The following TPP2 variants were observed in gnomAD, a reference collection of about 807,000 sequenced individuals.
The protein encoded by TPP2 is tripeptidyl peptidase 2, also known as tripeptidyl-peptidase 2.
TPP2 carries 34 observed loss-of-function variants against 155.9 expected under a neutral mutation model. The observed-to-expected ratio is 0.22, with a 90% CI of 0.17 to 0.29. The LOEUF is 0.29. Among genes scored for constraint, TPP2 ranks in the 10% least tolerant of loss-of-function variants. The pLI, the probability that TPP2 is intolerant of heterozygous loss-of-function variation, is 1.00. For synonymous variants in TPP2, 510 were observed against 529.4 expected (o/e 0.96, Z 0.50); for missense variants, 1,028 against 1,522.3 (o/e 0.68, Z 5.40).
chr13:102,620,653 C>G (rs1881087481), intron 5 of TPP2, among the ~76,000 whole-genome samples: 1 of 152,154 alleles, frequency 6.6e-6, no homozygotes, highest in Non-Finnish European at 1.5e-5. Context: ...CTGTGCTCTC[C>G]CTGCCACATT....
intron 26 of TPP2, among the ~76,000 whole-genome samples, chr13:102,664,553 G>A (rs765980659): frequency 6.6e-6 from 1 of 151,850 alleles, no homozygotes; most frequent in Non-Finnish European, 1.5e-5. Context: ...TCTCACCATT[G>A]TACTCCAGCA....
chr13:102,620,552 A>G (rs1470458959), intron 5 of TPP2, among the ~76,000 whole-genome samples: 1 of 152,228 alleles, frequency 6.6e-6, no homozygotes, highest in African/African-American at 2.4e-5. Context: ...CATTTCAAAA[A>G]TGCCAACCAT....
intron 25 of TPP2, among the ~76,000 whole-genome samples, chr13:102,662,880 T>G (rs1884324627): frequency 6.6e-6 from 1 of 152,142 alleles, no homozygotes; most frequent in East Asian, 1.9e-4. Context: ...ATAGAATAAC[T>G]CTTTATTGAC....
chr13:102,640,439 T>A, intron 16 of TPP2, 63 bp downstream of exon 16: 1 of 1,325,258 alleles, frequency 7.5e-7, no homozygotes, highest in Non-Finnish European at 1.1e-6. Flanking sequence ...ACTATAGCTG[T>A]ATGAGGTTCG....
At chr13:102,630,661 G>A (rs1881955936) in intron 10 of TPP2, among the ~76,000 whole-genome samples, 1 of 152,168 alleles carries the variant, frequency 6.6e-6, no homozygotes, top group Non-Finnish European at 1.5e-5. Context: ...AAGTAAACAA[G>A]TTCTGACTGA....
At chr13:102,653,289 A>G (rs1198045403) in intron 24 of TPP2, among the ~76,000 whole-genome samples, 1 of 152,234 alleles carries the variant, frequency 6.6e-6, no homozygotes, top group South Asian at 2.1e-4. Context: ...CATTTTGTAT[A>G]TAATTCTTAA....
chr13:102,671,364 G>C (rs1884972383), intron 27 of TPP2, among the ~76,000 whole-genome samples: 1 of 152,128 alleles, frequency 6.6e-6, no homozygotes, highest in African/African-American at 2.4e-5. Flanking sequence ...GTTGTATATG[G>C]CTGGCTTTTA....
intron 27 of TPP2, chr13:102,667,746 T>C: frequency 2.0e-6 from 2 of 985,448 alleles, no homozygotes; most frequent in Non-Finnish European, 2.4e-6. Flanking sequence ...AGATTACCTG[T>C]GTCACCCCCA....
chr13:102,672,524 A>G (rs1005390872), intron 27 of TPP2, among the ~76,000 whole-genome samples: 28 of 152,192 alleles, frequency 1.8e-4, no homozygotes, highest in Non-Finnish European at 2.6e-4. Flanking sequence ...GAAGGTTTGC[A>G]TCTTTCCCTC....
chr13:102,671,340 A>G (rs374996797), intron 27 of TPP2, among the ~76,000 whole-genome samples: 1 of 152,178 alleles, frequency 6.6e-6, no homozygotes, highest in South Asian at 2.1e-4. Context: ...GCAAATTCCA[A>G]GGGCTGTTTG....
At chr13:102,646,737 A>G (rs1465775622) in intron 20 of TPP2, among the ~76,000 whole-genome samples, 1 of 152,190 alleles carries the variant, frequency 6.6e-6, no homozygotes, top group Non-Finnish European at 1.5e-5. Context: ...CTTTCTGCGA[A>G]GAAGGCACTG....
At chr13:102,608,046 G>A (rs1879985865) in intron 2 of TPP2, 1 of 152,334 alleles carries the variant, frequency 6.6e-6, no homozygotes. Flanking sequence ...TTCTCAGCTT[G>A]GTGACGTATT....
chr13:102,666,766 C>CTTTTTTTTTTTTTTTTTTTTTTTTTTTTT, intron 27 of TPP2, among the ~76,000 whole-genome samples: 2 of 55,736 alleles, frequency 3.6e-5, no homozygotes, highest in Non-Finnish European at 6.1e-5. Flanking sequence ...TTTTTAATCT[C>CTTTTTTTTTTTTTTTTTTTTTTTTTTTTT]TTTTTTTTTT....
At chr13:102,636,081 G>T in intron 12 of TPP2, 143 bp from the exon 13 acceptor site, 1 of 718,996 alleles carries the variant, frequency 1.4e-6, no homozygotes. Context: ...TGTCCTCTTA[G>T]TTGGGGTACT....
chr13:102,637,061 T>A, intron 13 of TPP2, 21 bp from the exon 14 acceptor site: 1 of 1,562,528 alleles, frequency 6.4e-7, no homozygotes, highest in Non-Finnish European at 8.6e-7. Context: ...CATCTTTAAT[T>A]TTTGGTCTTT....
chr13:102,646,783 T>C (rs1034487827), intron 20 of TPP2, among the ~76,000 whole-genome samples: 8 of 152,268 alleles, frequency 5.3e-5, no homozygotes, highest in African/African-American at 1.7e-4. Context: ...CCAGGTGGGA[T>C]GGGTGGCAAA....
chr13:102,628,581 G>A (rs1881802961), intron 8 of TPP2, among the ~76,000 whole-genome samples: 1 of 152,032 alleles, frequency 6.6e-6, no homozygotes, highest in Non-Finnish European at 1.5e-5. Flanking sequence ...TTGTCTTTCT[G>A]CTGCCAAATC....
Position 102,666,338 on chromosome 13 carries a change from C to T in TPP2, c.3371+1413C>T, listed in dbSNP as rs1041036079. Among the ~76,000 whole-genome samples the T allele has an allele frequency of 2.0e-5, 3 of 152,174 alleles. No individual in the cohort carries two copies. In the East Asian group the frequency reaches 5.8e-4, roughly 29 times the overall value. Reference sequence around the variant, plus strand: ...CCTTCTTGAGAAGGTTAACATAACTCAGTATTATCTCACAGAAAAAGGAGC... The same window carrying T: ...CCTTCTTGAGAAGGTTAACATAACTTAGTATTATCTCACAGAAAAAGGAGC... On this transcript the variant is annotated intron_variant, in intron 27 of 29. Transcript: ENST00000376052.
chr13:102,655,630 T>C (rs928678256), intron 24 of TPP2, among the ~76,000 whole-genome samples: 4 of 152,208 alleles, frequency 2.6e-5, no homozygotes, highest in Admixed American at 6.5e-5. Flanking sequence ...ATTTCTCTGC[T>C]GCTGTCTTCA....
Sources: allele counts gnomAD v4.1 joint callset (sites outside exome capture counted in the v4.1 genomes callset), GRCh38; gene constraint gnomAD v4.1.1; transcripts MANE v1.5; gene names NCBI Gene and HGNC (gene_info 2026-07-23, HGNC 2026-07-21).